SEMA6D: variants seen among roughly 807,000 people sequenced by gnomAD.
SEMA6D encodes semaphorin-6D.
Under a neutral mutation model 106.6 loss-of-function variants are expected in SEMA6D, and 35 were observed. The observed-to-expected ratio is 0.33, with a 90% confidence interval of 0.25 to 0.44. The LOEUF is 0.44. Among genes scored for constraint, SEMA6D ranks in the 20% least tolerant of loss-of-function variants. SEMA6D has a pLI of 1.00. For missense variants in SEMA6D, 1,185 were observed against 1,345.9 expected, an observed-to-expected ratio of 0.88 and a Z score of 1.87; for synonymous variants, 499 against 487.7, an observed-to-expected ratio of 1.02 and a Z score of -0.31.
intron 4 of SEMA6D, among the ~76,000 whole-genome samples, chr15:47,606,867 G>A (rs997129273): frequency 3.3e-5 from 5 of 152,164 alleles, no homozygotes; most frequent in Non-Finnish European, 7.3e-5. Context: ...TGGGCTATGT[G>A]TCCCATTCAG....
intron 1 of SEMA6D, among the ~76,000 whole-genome samples, chr15:47,749,484 T>G (rs902663742): frequency 3.3e-5 from 5 of 152,164 alleles, no homozygotes; most frequent in African/African-American, 1.2e-4. Flanking sequence ...TTATCCTCAC[T>G]GCAGGCAGGA....
chr15:47,740,412 C>T (rs376313771), intron 1 of SEMA6D, among the ~76,000 whole-genome samples: 25 of 151,916 alleles, frequency 1.6e-4, no homozygotes, highest in African/African-American at 5.6e-4. Flanking sequence ...CCCAGCTACT[C>T]GGGAGGCTGA....
In SEMA6D at chr15:47,681,986, A is replaced by T. The variant is rs367890822; in HGVS notation, c.-54-77759A>T. Among the ~76,000 whole-genome samples, 53 of 152,302 alleles carry T rather than the reference A, an allele frequency of 3.5e-4. No individual in the cohort carries two copies. The South Asian group carries it at 0.011, about 31-fold the overall frequency. ...TTCAATGGTCTAGTTGTTTCAAATA[A>T]TATTCAATTTTTATAAAAGCCAAGT... is the stretch of plus-strand genomic sequence containing the variant. On this transcript the variant is annotated intron_variant, in intron 4 of 19. Transcript: ENST00000558014.
intron 1 of SEMA6D, among the ~76,000 whole-genome samples, chr15:47,271,916 A>G (rs1045003854): frequency 1.3e-5 from 2 of 152,162 alleles, no homozygotes; most frequent in South Asian, 2.1e-4. Flanking sequence ...AGGGGTTTGT[A>G]TGACCCAAGC....
chr15:47,382,853 C>T (rs1056054046), intron 1 of SEMA6D, among the ~76,000 whole-genome samples: 4 of 152,146 alleles, frequency 2.6e-5, no homozygotes, highest in East Asian at 1.9e-4. Context: ...CTGTAACCTC[C>T]GGCTCCCGGG....
chr15:47,331,242 A>T (rs2037329078), intron 1 of SEMA6D, among the ~76,000 whole-genome samples: 1 of 152,230 alleles, frequency 6.6e-6, no homozygotes, highest in Non-Finnish European at 1.5e-5. Context: ...TTGAGTTAAC[A>T]CCTATGAACA....
chr15:47,258,010 ATT>A (rs989352813), intron 1 of SEMA6D, among the ~76,000 whole-genome samples: 1 of 152,158 alleles, frequency 6.6e-6, no homozygotes, highest in African/African-American at 2.4e-5. Flanking sequence ...TCTCTAATAA[ATT>A]TCTTTCCTCT....
chr15:47,682,282 C>G (rs1236705228), intron 4 of SEMA6D, among the ~76,000 whole-genome samples: 1 of 152,080 alleles, frequency 6.6e-6, no homozygotes, highest in East Asian at 1.9e-4. Context: ...ATTCTGCTGC[C>G]TCAGCCTCCC....
chr15:47,603,153 C>T (rs368372690), intron 4 of SEMA6D, among the ~76,000 whole-genome samples: 2 of 151,964 alleles, frequency 1.3e-5, no homozygotes, highest in Non-Finnish European at 2.9e-5. Flanking sequence ...AGGAGATAAA[C>T]TTCTTCATCA....
chr15:47,546,537 CA>C (rs1384067015), intron 3 of SEMA6D, among the ~76,000 whole-genome samples: 3 of 151,536 alleles, frequency 2.0e-5, no homozygotes, highest in Non-Finnish European at 2.9e-5. Flanking sequence ...TCTCTCAGTG[CA>C]AAAAAAATGA....
intron 3 of SEMA6D, among the ~76,000 whole-genome samples, chr15:47,575,382 G>C (rs2076138827): frequency 6.6e-6 from 1 of 152,122 alleles, no homozygotes; most frequent in African/African-American, 2.4e-5. Flanking sequence ...TATGGGGTAG[G>C]GTGAGGGCAC....
chr15:47,271,162 A>T (rs1346770955), intron 1 of SEMA6D, among the ~76,000 whole-genome samples: 4 of 152,158 alleles, frequency 2.6e-5, no homozygotes, highest in Non-Finnish European at 5.9e-5. Context: ...TGTAATCCAA[A>T]CTCTATTGTG....
At chr15:47,412,253 A>G (rs1048012760) in intron 1 of SEMA6D, 5 of 152,448 alleles carry the variant, frequency 3.3e-5, no homozygotes, top group African/African-American at 1.2e-4. Flanking sequence ...CGCTGCATTC[A>G]GCTGTGTTTA....
chr15:47,484,869 G>A (rs74011479), intron 3 of SEMA6D, among the ~76,000 whole-genome samples: 5,600 of 152,250 alleles, frequency 0.037, 329 homozygotes, highest in African/African-American at 0.12. Context: ...TTGTACAGTT[G>A]TGGGGATTGG....
intron 1 of SEMA6D, among the ~76,000 whole-genome samples, chr15:47,226,307 G>A (rs891325799): frequency 6.6e-6 from 1 of 152,000 alleles, no homozygotes; most frequent in African/African-American, 2.4e-5. Flanking sequence ...CTCTATAACT[G>A]TGAGACAATA....
intron 3 of SEMA6D, among the ~76,000 whole-genome samples, chr15:47,473,121 G>T (rs141250208): frequency 1.6e-3 from 243 of 152,252 alleles, no homozygotes; most frequent in African/African-American, 5.7e-3. Context: ...CTAATCCTTT[G>T]GACAGCCGTG....
intron 1 of SEMA6D, among the ~76,000 whole-genome samples, chr15:47,328,079 G>A (rs1442177224): frequency 6.6e-6 from 1 of 152,146 alleles, no homozygotes; most frequent in Admixed American, 6.5e-5. Flanking sequence ...TTCTCCTCCA[G>A]AGTGTTGATC....
chr15:47,500,935 C>T (rs1160122274), intron 3 of SEMA6D, among the ~76,000 whole-genome samples: 1 of 151,950 alleles, frequency 6.6e-6, no homozygotes, highest in Non-Finnish European at 1.5e-5. Context: ...ACACATATGC[C>T]TCGGTTTCTT....
chr15:47,566,888 T>C (rs1898117), intron 3 of SEMA6D, among the ~76,000 whole-genome samples: 1 of 152,068 alleles, frequency 6.6e-6, no homozygotes, highest in African/African-American at 2.4e-5. Flanking sequence ...GAAGATGTTT[T>C]TGCTTTGTTT....
Sources: allele counts gnomAD v4.1 joint callset (sites outside exome capture counted in the v4.1 genomes callset), GRCh38; gene constraint gnomAD v4.1.1; transcripts MANE v1.5; gene names NCBI Gene and HGNC (gene_info 2026-07-23, HGNC 2026-07-21).